ADGRA3: variants seen among roughly 807,000 people sequenced by gnomAD.
ADGRA3 encodes adhesion G protein-coupled receptor A3.
A neutral mutation model predicts 119.8 loss-of-function variants in ADGRA3; 56 were observed. That is an observed-to-expected ratio of 0.47 (90% confidence interval 0.38 to 0.58). The LOEUF is 0.58. Among genes scored for constraint, ADGRA3 ranks in the 20% least tolerant of loss-of-function variants. The probability of loss-of-function intolerance (pLI) is 0.00; values close to 1 mark genes in which losing one functional copy is unlikely to be tolerated. For synonymous variants in ADGRA3, 607 were observed against 623.8 expected (o/e 0.97, Z 0.40); for missense variants, 1,516 against 1,649.0 (o/e 0.92, Z 1.40).
chr4:22,512,725 C>T (rs1431755138), intron 1 of ADGRA3, among the ~76,000 whole-genome samples: 1 of 152,136 alleles, frequency 6.6e-6, no homozygotes. Context: ...TGAATTCTTC[C>T]TAAAGTCCTC....
intron 1 of ADGRA3, among the ~76,000 whole-genome samples, chr4:22,482,905 C>A (rs534957018): frequency 6.6e-6 from 1 of 152,266 alleles, no homozygotes; most frequent in East Asian, 1.9e-4. Flanking sequence ...GGCCCCCAGC[C>A]ACAGACGTCT....
Position 22,388,806 on chromosome 4 carries a change from G to C in ADGRA3, c.2865C>G (p.Pro955=). 1 of 1,613,920 alleles carries C rather than the reference G, an allele frequency of 6.2e-7. No homozygotes were observed. Among genetic ancestry groups the C allele is most frequent in the Non-Finnish European group, 8.5e-7 (1 of 1,179,964 alleles). Reference sequence around the variant, plus strand: ...CTGCCAATCTCTGTTGCTCCTCCGTGGGCTCCTTAAGCTCATATTTGCGCT... The same window carrying C: ...CTGCCAATCTCTGTTGCTCCTCCGTCGGCTCCTTAAGCTCATATTTGCGCT... The part of the protein sequence containing the change: ...HPERKYELKE[P]TEEQQRLAAN... Residue 955 remains proline, a synonymous_variant, in exon 19 of 19, where the codon CCC becomes CCG. Coordinates refer to ENST00000334304, the MANE Select transcript of ADGRA3 (RefSeq NM_145290.4).
At chr4:22,413,553 A>C in intron 13 of ADGRA3, 48 bp downstream of exon 13, 1 of 1,524,590 alleles carries the variant, frequency 6.6e-7, no homozygotes, top group Non-Finnish European at 9.1e-7. Flanking sequence ...GTCAACTACA[A>C]GGCCTTATTG....
At chr4:22,492,076 A>G (rs565616604) in intron 1 of ADGRA3, among the ~76,000 whole-genome samples, 30 of 152,314 alleles carry the variant, frequency 2.0e-4, no homozygotes, top group African/African-American at 6.7e-4. Flanking sequence ...AAATCCTAAT[A>G]CACATATTCC....
intron 4 of ADGRA3, among the ~76,000 whole-genome samples, chr4:22,453,726 C>T (rs1201911645): frequency 6.6e-6 from 1 of 152,176 alleles, no homozygotes; most frequent in East Asian, 1.9e-4. Context: ...AAATGTCTTT[C>T]AGTGGCTTCC....
In ADGRA3 at chr4:22,387,827, CA is replaced by C. The variant is rs1447207496; in HGVS notation, c.3843del (p.Tyr1281Ter). On this transcript the variant is annotated frameshift_variant, in exon 19 of 19. Coordinates refer to ENST00000334304, the MANE Select transcript of ADGRA3 (RefSeq NM_145290.4). LOFTEE classifies it high-confidence loss of function. The stretch of plus-strand genomic sequence containing the variant: ...CCATTCTGAATGGCCAAGTTGAGGC[CA>C]TAAGATTTTTGCTGATTTTCAAGTT... ...VVELENQQKS[Y>X]GLNLAIQNGP... The C allele has an allele frequency of 6.2e-7, 1 of 1,614,114 alleles. No homozygotes were observed. The highest frequency in any genetic ancestry group is 8.5e-7 in the Non-Finnish European group (1 of 1,179,996).
chr4:22,488,696 AT>A (rs1718524233), intron 1 of ADGRA3, among the ~76,000 whole-genome samples: 1 of 152,248 alleles, frequency 6.6e-6, no homozygotes, highest in African/African-American at 2.4e-5. Flanking sequence ...CAGTACAGAA[AT>A]ACAAAAGCAG....
At chr4:22,494,789 C>T (rs1450478951) in intron 1 of ADGRA3, among the ~76,000 whole-genome samples, 1 of 151,788 alleles carries the variant, frequency 6.6e-6, no homozygotes, top group African/African-American at 2.4e-5. Flanking sequence ...TTATTTTTAA[C>T]TAAATAATAC....
In ADGRA3 at chr4:22,436,421, A is replaced by G. The variant is rs1716395633; in HGVS notation, c.1287+19T>C. The G allele has an allele frequency of 1.3e-6, 2 of 1,597,790 alleles. No individual in the cohort carries two copies. Among genetic ancestry groups the G allele is most frequent in the Non-Finnish European group, 1.7e-6 (2 of 1,167,230 alleles). ...TGTTTTCTCCACAACCCAAGTAAAC[A>G]TGAAGACTTTCTAGTTACCTGATTA... On this transcript the variant is annotated intron_variant, in intron 9 of 18. Coordinates refer to ENST00000334304, the MANE Select transcript of ADGRA3 (RefSeq NM_145290.4).
chr4:22,404,627 G>A (rs1714816769), intron 14 of ADGRA3, among the ~76,000 whole-genome samples: 2 of 152,174 alleles, frequency 1.3e-5, no homozygotes, highest in Admixed American at 1.3e-4. Flanking sequence ...ACAGAACACA[G>A]TTCCAACCCT....
intron 10 of ADGRA3, among the ~76,000 whole-genome samples, chr4:22,432,899 A>G (rs1384866250): frequency 6.6e-6 from 1 of 152,242 alleles, no homozygotes; most frequent in Non-Finnish European, 1.5e-5. Flanking sequence ...ACTTTCAGAC[A>G]TAATACAAAA....
chr4:22,392,938 G>A (rs1412337547), intron 16 of ADGRA3: 3 of 412,338 alleles, frequency 7.3e-6, no homozygotes, highest in Non-Finnish European at 4.3e-6. Context: ...TACCAAAGAC[G>A]ACCCTTAATA....
At chr4:22,389,592 A>T (rs1560291790) in intron 17 of ADGRA3, among the ~76,000 whole-genome samples, 1 of 151,930 alleles carries the variant, frequency 6.6e-6, no homozygotes, top group Non-Finnish European at 1.5e-5. Context: ...ATGTAATGAC[A>T]TATTAATTAC....
At chr4:22,456,426 G>C (rs1472530899) in intron 3 of ADGRA3, among the ~76,000 whole-genome samples, 1 of 152,056 alleles carries the variant, frequency 6.6e-6, no homozygotes, top group South Asian at 2.1e-4. Flanking sequence ...AAAAGAGAGG[G>C]CTTGTCTCTC....
chr4:22,463,232 T>C (rs565467607), intron 2 of ADGRA3, among the ~76,000 whole-genome samples: 1 of 152,206 alleles, frequency 6.6e-6, no homozygotes, highest in African/African-American at 2.4e-5. Flanking sequence ...CATTTAAGGA[T>C]GCACATGACA....
intron 16 of ADGRA3, among the ~76,000 whole-genome samples, chr4:22,395,571 C>T (rs190193930): frequency 5.7e-4 from 87 of 152,226 alleles, no homozygotes; most frequent in African/African-American, 1.8e-3. Flanking sequence ...GTCAATAGTA[C>T]GGCTGTCATT....
At chr4:22,426,027 T>A (rs1236222299) in intron 10 of ADGRA3, among the ~76,000 whole-genome samples, 3 of 152,188 alleles carry the variant, frequency 2.0e-5, no homozygotes, top group African/African-American at 7.2e-5. Context: ...GAGATTAAGT[T>A]CCAATAATAA....
At chr4:22,390,171 A>T (rs1714052188) in intron 17 of ADGRA3, among the ~76,000 whole-genome samples, 1 of 151,730 alleles carries the variant, frequency 6.6e-6, no homozygotes, top group Admixed American at 6.6e-5. Context: ...ACCTGAAAAG[A>T]AAGTATTATT....
In ADGRA3 at chr4:22,445,050, C is replaced by T. The variant is rs141210874; in HGVS notation, c.629G>A (p.Arg210Gln). Reference protein sequence around the residue: ...RWVKEKNITVRDTRCVYPKSL... With the variant: ...RWVKEKNITVQDTRCVYPKSL... ...CTTAGGATAAACACACCTGGTATCCCGTACCGTGATGTTCTTCTCCTTTAC... is the reference window on the plus strand; with the variant it reads ...CTTAGGATAAACACACCTGGTATCCTGTACCGTGATGTTCTTCTCCTTTAC... The change falls in exon 6 of 19, where the codon CGG (arginine) becomes CAG (glutamine). Residue 210 changes from arginine (R) to glutamine (Q), a missense_variant. Physicochemically the swap from Arg to Gln is conservative, Grantham distance 43. Transcript: ENST00000334304. 68 of 1,613,904 alleles carry T rather than the reference C, an allele frequency of 4.2e-5. No homozygotes were observed. The South Asian group carries it at 4.7e-4, about 11-fold the overall frequency.
Sources: gnomAD v4.1 joint callset for allele counts (sites outside exome capture counted in the v4.1 genomes callset) on GRCh38, gnomAD v4.1.1 for gene constraint, MANE v1.5 for transcripts, NCBI Gene and HGNC (gene_info 2026-07-23, HGNC 2026-07-21) for gene names.